The following PPFIA2 variants were observed in gnomAD, a reference collection of about 807,000 sequenced individuals.
PPFIA2 encodes liprin-alpha-2.
Under a neutral mutation model 175.5 loss-of-function variants are expected in PPFIA2, and 46 were observed. That is an observed-to-expected ratio of 0.26 (90% confidence interval 0.21 to 0.34). The LOEUF (loss-of-function observed/expected upper bound fraction) is 0.34. PPFIA2 is among the 10% of genes least tolerant of loss of function. The probability of loss-of-function intolerance (pLI) is 1.00; values close to 1 mark genes in which losing one functional copy is unlikely to be tolerated. For missense variants in PPFIA2, 1,179 were observed against 1,506.1 expected (o/e 0.78, Z 3.60); for synonymous variants, 568 against 511.4 (o/e 1.11, Z -1.49).
intron 15 of PPFIA2, among the ~76,000 whole-genome samples, chr12:81,359,447 T>TAA (rs201365603): frequency 1.4e-5 from 2 of 145,198 alleles, no homozygotes; most frequent in African/African-American, 5.0e-5. Flanking sequence ...AAGTTACATT[T>TAA]AAAAAAAAAA....
At chr12:81,739,632 C>G (rs937482265) in intron 3 of PPFIA2, among the ~76,000 whole-genome samples, 8 of 151,896 alleles carry the variant, frequency 5.3e-5, no homozygotes, top group African/African-American at 1.9e-4. Context: ...ATCAATGCAT[C>G]TTATAAACTC....
At chr12:81,536,448 T>C (rs1233171668) in intron 4 of PPFIA2, among the ~76,000 whole-genome samples, 1 of 151,382 alleles carries the variant, frequency 6.6e-6, no homozygotes, top group Non-Finnish European at 1.5e-5. Flanking sequence ...AACAACCTTA[T>C]TTTAGATACC....
intron 11 of PPFIA2, among the ~76,000 whole-genome samples, chr12:81,372,966 C>T (rs2035531210): frequency 6.6e-6 from 1 of 151,470 alleles, no homozygotes; most frequent in Admixed American, 6.6e-5. Flanking sequence ...ACTTAACAGA[C>T]TAGACAAGAT....
chr12:81,482,509 C>A (rs191695604), intron 4 of PPFIA2, among the ~76,000 whole-genome samples: 2 of 151,938 alleles, frequency 1.3e-5, no homozygotes, highest in Non-Finnish European at 2.9e-5. Flanking sequence ...CAGTGATAGA[C>A]GGATAAAGAA....
chr12:81,527,402 A>C (rs971120240), intron 4 of PPFIA2, among the ~76,000 whole-genome samples: 2 of 152,086 alleles, frequency 1.3e-5, no homozygotes, highest in South Asian at 2.1e-4. Flanking sequence ...AAATTCTTTG[A>C]AGAAGTTGTC....
chr12:81,616,937 T>C (rs1482449082), intron 4 of PPFIA2, among the ~76,000 whole-genome samples: 1 of 152,196 alleles, frequency 6.6e-6, no homozygotes, highest in Non-Finnish European at 1.5e-5. Context: ...ATTGCATTAT[T>C]ATTCACTCAA....
rs1361916243 is a variant in PPFIA2, at chr12:81,743,493, A to AGTGGTGGG, written c.249+10472_249+10479dup. On this transcript the variant is annotated intron_variant, in intron 3 of 32. Coordinates refer to ENST00000549396, the MANE Select transcript of PPFIA2 (RefSeq NM_003625.5). ...AAATGGTGGGGTGGCATCTTGGTAG[A>AGTGGTGGG]GTGGTGGGGGGGTGTTAATAGCTTT... Among the ~76,000 whole-genome samples, 113 of 135,424 alleles carry AGTGGTGGG rather than the reference A, an allele frequency of 8.3e-4. No individual in the cohort carries two copies. In the Middle Eastern group the frequency reaches 0.024, roughly 29 times the overall value. The allele number at this position is 135,424 out of a possible 152,430, so 88.8% of individuals were successfully genotyped here. A position where few individuals can be genotyped will look rare whatever the true frequency, so the allele number is the denominator to read the frequency against.
chr12:81,636,445 T>G (rs2153506717), intron 4 of PPFIA2, among the ~76,000 whole-genome samples: 1 of 151,112 alleles, frequency 6.6e-6, no homozygotes, highest in South Asian at 2.1e-4. Flanking sequence ...TTTTGTATTT[T>G]TAGTAGAGAC....
chr12:81,736,878 G>C (rs946849330), intron 3 of PPFIA2, among the ~76,000 whole-genome samples: 4 of 151,880 alleles, frequency 2.6e-5, no homozygotes, highest in Admixed American at 6.6e-5. Context: ...CAGCAGCTGG[G>C]ACTACAGACA....
intron 4 of PPFIA2, among the ~76,000 whole-genome samples, chr12:81,460,867 T>C (rs1036753853): frequency 6.6e-6 from 1 of 152,074 alleles, no homozygotes. Flanking sequence ...AGAAGTTAAG[T>C]ACATTGTGCA....
intron 11 of PPFIA2, among the ~76,000 whole-genome samples, chr12:81,374,266 T>C (rs1031491290): frequency 2.6e-5 from 4 of 152,144 alleles, no homozygotes; most frequent in Admixed American, 2.0e-4. Context: ...TGATATTCTC[T>C]ATACTTCTAA....
chr12:81,403,761 G>C (rs1042700879), intron 8 of PPFIA2, among the ~76,000 whole-genome samples: 1 of 152,126 alleles, frequency 6.6e-6, no homozygotes, highest in African/African-American at 2.4e-5. Flanking sequence ...CAGTAAACAT[G>C]CTGTGCATGC....
At chr12:81,430,088 C>A (rs1346374749) in intron 7 of PPFIA2, 3 of 152,088 alleles carry the variant, frequency 2.0e-5, no homozygotes, top group Non-Finnish European at 4.4e-5. Context: ...ACTACATGTT[C>A]TATTTTCCTT....
intron 13 of PPFIA2, chr12:81,368,015 T>C: frequency 1.1e-6 from 1 of 938,102 alleles, no homozygotes. Flanking sequence ...TTATTTTATG[T>C]ACTAATGGAA....
chr12:81,692,880 A>G (rs915692357), intron 3 of PPFIA2, among the ~76,000 whole-genome samples: 4 of 152,166 alleles, frequency 2.6e-5, no homozygotes, highest in African/African-American at 9.6e-5. Context: ...CTAAAGCCAT[A>G]TAACTATCAA....
chr12:81,376,757 G>C (rs1371297111), intron 9 of PPFIA2, among the ~76,000 whole-genome samples: 1 of 152,120 alleles, frequency 6.6e-6, no homozygotes, highest in Non-Finnish European at 1.5e-5. Flanking sequence ...GCCTGGAATT[G>C]TTTCCTGAGA....
At position 81,748,778 on chromosome 12, in the gene PPFIA2, A is replaced by G. The variant is rs2083373710; in HGVS notation, c.249+5195T>C. On this transcript the variant is annotated intron_variant, in intron 3 of 32. Transcript: ENST00000549396. ...AAGCAATGGATAACTGATGAATATT[A>G]TGTAATCCATCCAAAATCAAGATTG... Among the ~76,000 whole-genome samples, 4 of 144,536 alleles carry G rather than the reference A, an allele frequency of 2.8e-5. 1 individual carries two copies. The allele number at this position is 144,536 out of a possible 152,430, so 94.8% of individuals were successfully genotyped here.
At chr12:81,424,559 T>G (rs1240900106) in intron 7 of PPFIA2, among the ~76,000 whole-genome samples, 1 of 152,160 alleles carries the variant, frequency 6.6e-6, no homozygotes, top group Non-Finnish European at 1.5e-5. Flanking sequence ...TGTTCTAGAG[T>G]CTGCTTTTTG....
intron 4 of PPFIA2, among the ~76,000 whole-genome samples, chr12:81,525,824 C>A (rs968202577): frequency 2.2e-4 from 33 of 152,158 alleles, no homozygotes; most frequent in Admixed American, 1.9e-3. Context: ...CAGTGAGATT[C>A]CAAATTCCAC....
Sources: gnomAD v4.1 joint callset for allele counts (sites outside exome capture counted in the v4.1 genomes callset) on GRCh38, gnomAD v4.1.1 for gene constraint, MANE v1.5 for transcripts, NCBI Gene and HGNC (gene_info 2026-07-23, HGNC 2026-07-21) for gene names.